ATAD3B: variants seen among roughly 807,000 people sequenced by gnomAD.
The protein encoded by ATAD3B is ATPase family AAA domain containing 3B, also known as ATPase family AAA domain-containing protein 3B.
In ATAD3B, 59 loss-of-function variants were observed where a neutral mutation model predicts 70.2. The observed-to-expected ratio is 0.84, with a 90% CI of 0.68 to 1.04. ATAD3B has a LOEUF of 1.04. Among genes scored for constraint, ATAD3B ranks in the 50% least tolerant of loss-of-function variants. The probability of loss-of-function intolerance (pLI) is 0.00; values close to 1 mark genes in which losing one functional copy is unlikely to be tolerated. For synonymous variants in ATAD3B, 423 were observed against 388.6 expected (o/e 1.09, Z -1.04); for missense variants, 961 against 913.4 (o/e 1.05, Z -0.67).
At chr1:1,477,854 C>T (rs12122388) in intron 2 of ATAD3B, among the ~76,000 whole-genome samples, 161 of 4,726 alleles carry the variant, frequency 0.034, 2 homozygotes, top group African/African-American at 0.043. Context: ...TACAGGCACG[C>T]GCCACCACGC....
At chr1:1,501,051 A>G (rs1640934592), downstream of ATAD3B, among the ~76,000 whole-genome samples, 3 of 152,118 alleles carry the variant, frequency 2.0e-5, no homozygotes, top group Admixed American at 6.5e-5. Flanking sequence ...AACAGCTCAC[A>G]TGCTTGAGCA....
intron 5 of ATAD3B, among the ~76,000 whole-genome samples, chr1:1,481,761 G>C (rs1319431215): frequency 6.6e-6 from 1 of 151,388 alleles, no homozygotes; most frequent in Non-Finnish European, 1.5e-5. Flanking sequence ...TAGGCCTCTG[G>C]GTCGGATTTC....
chr1:1,495,969 G>C lies in ATAD3B; in HGVS notation c.*152G>C. On this transcript the variant is annotated 3_prime_UTR_variant, in exon 16 of 16. Coordinates refer to ENST00000673477, the MANE Select transcript of ATAD3B (RefSeq NM_031921.6). ...GGGTGGGTGCTGGCTGAGCCCCTGG[G>C]GCAGAAGGAGTGGGGCAGGCGGGGT... is the stretch of plus-strand genomic sequence containing the variant. 2 of 1,387,822 alleles carry C rather than the reference G, an allele frequency of 1.4e-6. No homozygotes were observed. Among genetic ancestry groups the C allele is most frequent in the Non-Finnish European group, 1.9e-6 (2 of 1,073,164 alleles). 86.0% of individuals were successfully genotyped at this position (1,387,822 alleles called of 1,614,324 possible). A position where few individuals can be genotyped will look rare whatever the true frequency, so the allele number is the denominator to read the frequency against.
chr1:1,487,487 C>CA (rs1361376015), intron 11 of ATAD3B, among the ~76,000 whole-genome samples: 10,866 of 100,714 alleles, frequency 0.11, 582 homozygotes, highest in East Asian at 0.3. Flanking sequence ...GACTCTGTCT[C>CA]AAAAAAAAAA....
chr1:1,473,215 C>G (rs1040908620), intron 1 of ATAD3B, among the ~76,000 whole-genome samples: 1 of 143,882 alleles, frequency 7.0e-6, no homozygotes, highest in Non-Finnish European at 1.5e-5. Flanking sequence ...TCTCCACTCA[C>G]TGCAAGCTCC....
chr1:1,505,668 G>A, the ATAD3B span, among the ~76,000 whole-genome samples: 3 of 152,098 alleles, frequency 2.0e-5, no homozygotes, highest in African/African-American at 7.2e-5. Flanking sequence ...GCCCTGTCCG[G>A]GCGTAACGGA....
At chr1:1,485,193 T>G in intron 8 of ATAD3B, 22 bp downstream of exon 8, 2 of 1,566,368 alleles carry the variant, frequency 1.3e-6, no homozygotes, top group Non-Finnish European at 1.7e-6. Flanking sequence ...GGCCTGGCCC[T>G]CCCTGAGTGC....
Position 1,489,373 on chromosome 1 carries a change from G to C in ATAD3B, c.1337+99G>C, listed in dbSNP as rs1452543911. 3.8e-6 allele frequency: 6 copies of C among 1,581,090 alleles called. No individual in the cohort carries two copies. The African/African-American group carries it at 8.1e-5, about 21-fold the overall frequency. On this transcript the variant is annotated intron_variant, in intron 13 of 15. Transcript: ENST00000673477. ...CCCTGGCTCACAGTGCTGGGCACCAGCTGTGGCCTCAGTGTGCCCACCTCA... is the reference window on the plus strand; with the variant it reads ...CCCTGGCTCACAGTGCTGGGCACCACCTGTGGCCTCAGTGTGCCCACCTCA...
intron 5 of ATAD3B, among the ~76,000 whole-genome samples, 171 bp from the exon 6 acceptor site, chr1:1,481,967 T>TCC (rs1639929375): frequency 6.9e-6 from 1 of 145,444 alleles, no homozygotes; most frequent in Non-Finnish European, 1.5e-5. Flanking sequence ...TGCGGGCCTG[T>TCC]CCGTGGCCTT....
At chr1:1,485,904 G>C in intron 9 of ATAD3B, 66 bp downstream of exon 9, 2 of 1,610,496 alleles carry the variant, frequency 1.2e-6, no homozygotes, top group Non-Finnish European at 1.7e-6. Flanking sequence ...CTGGGCTGTG[G>C]CCCTTGCTAG....
rs1033237712 is a variant in ATAD3B at position 1,486,105 on chromosome 1, G to T, written c.964-5G>T. 1.9e-6 allele frequency: 3 copies of T among 1,612,888 alleles called. No homozygotes were observed. In the African/African-American group the frequency reaches 4.0e-5, roughly 22 times the overall value. On this transcript the variant is annotated splice_region_variant and splice_polypyrimidine_tract_variant and intron_variant, in intron 9 of 15. Transcript: ENST00000673477. Reference sequence around the variant, plus strand: ...TCTCCCCCAAACCCCCGTCTTCCCCGGCAGCCCAGCCTGGAAGCACGGGTG... The same window carrying T: ...TCTCCCCCAAACCCCCGTCTTCCCCTGCAGCCCAGCCTGGAAGCACGGGTG...
chr1:1,489,926 C>T, intron 13 of ATAD3B: 1 of 1,234,974 alleles, frequency 8.1e-7, no homozygotes, highest in Non-Finnish European at 1.0e-6. Context: ...CTGGGTCCCG[C>T]ATCCCTGCTC....
chr1:1,498,324 C>T (rs1055603792), downstream of ATAD3B, among the ~76,000 whole-genome samples: 8 of 151,524 alleles, frequency 5.3e-5, no homozygotes, highest in African/African-American at 1.5e-4. Flanking sequence ...TAAAAATTAG[C>T]GGTGCCTGGT....
rs1557798773 is a variant in ATAD3B at position 1,480,855 on chromosome 1, G to C, written c.445-12G>C. The C allele has an allele frequency of 6.3e-7, 1 of 1,594,450 alleles. No individual in the cohort carries two copies. Among genetic ancestry groups the C allele is most frequent in the East Asian group, 2.3e-5 (1 of 43,188 alleles). On this transcript the variant is annotated splice_polypyrimidine_tract_variant and intron_variant, in intron 4 of 15. Transcript: ENST00000673477. ...TTAAAGGCTTTTCTCTTTTTCTGCG[G>C]CTTCTTCTCAGCAACTTCTCAATGA... is the stretch of plus-strand genomic sequence containing the variant.
chr1:1,495,417 G>GCCT (rs1640732267), intron 15 of ATAD3B, 68 bp from the exon 16 acceptor site: 1 of 1,531,744 alleles, frequency 6.5e-7, no homozygotes, highest in African/African-American at 1.4e-5. Flanking sequence ...CCACCTCGGG[G>GCCT]CCCTGGCGTG....
At chr1:1,503,854 C>G in the ATAD3B span, among the ~76,000 whole-genome samples, 1 of 151,866 alleles carries the variant, frequency 6.6e-6, no homozygotes, top group African/African-American at 2.4e-5. Context: ...CAGAGCCTCC[C>G]GAGAGGGAGG....
downstream of ATAD3B, among the ~76,000 whole-genome samples, chr1:1,501,499 C>T (rs544360532): frequency 4.6e-4 from 70 of 152,286 alleles, no homozygotes; most frequent in Non-Finnish European, 7.6e-4. Context: ...TCGTGATCCG[C>T]CCGCCTCGGC....
rs778864826 is a variant in ATAD3B, at chr1:1,482,644, G to A, written c.750+30G>A. On this transcript the variant is annotated intron_variant, in intron 7 of 15. Transcript: ENST00000673477. Reference sequence around the variant, plus strand: ...ACATATTCATAAAACAGGGCTGGCAGGTGGCTGAGAGGCAGCATGTGGGGG... The same window carrying A: ...ACATATTCATAAAACAGGGCTGGCAAGTGGCTGAGAGGCAGCATGTGGGGG... 11 of 1,613,190 alleles carry A rather than the reference G, an allele frequency of 6.8e-6. No individual in the cohort carries two copies. In the East Asian group the frequency reaches 2.5e-4, roughly 36 times the overall value.
In ATAD3B at chr1:1,482,211, C is replaced by T. The variant is rs757834254; in HGVS notation, c.588C>T (p.Arg196=). ...GAGTGGAGACCGAGGCCCGGGCGCGCGCCAAGGCCGAGCGGGAGAATGCAG... is the reference window on the plus strand; with the variant it reads ...GAGTGGAGACCGAGGCCCGGGCGCGTGCCAAGGCCGAGCGGGAGAATGCAG... ...MLRVETEARA[R]AKAERENADI... is the part of the protein sequence containing the mutation. The change falls in exon 6 of 16, where the codon CGC becomes CGT. Residue 196 remains arginine (R), a synonymous_variant. Coordinates refer to ENST00000673477, the MANE Select transcript of ATAD3B (RefSeq NM_031921.6). 7 of 1,610,998 alleles carry T rather than the reference C, an allele frequency of 4.3e-6. No homozygotes were observed. The highest frequency in any genetic ancestry group is 4.5e-5 in the East Asian group (2 of 44,862).
Sources: allele counts gnomAD v4.1 joint callset (sites outside exome capture counted in the v4.1 genomes callset), GRCh38; gene constraint gnomAD v4.1.1; transcripts MANE v1.5; gene names NCBI Gene and HGNC (gene_info 2026-07-23, HGNC 2026-07-21).